PDE7B: variants seen among roughly 807,000 people sequenced by gnomAD.
The protein encoded by PDE7B is 3',5'-cyclic-AMP phosphodiesterase 7B.
Under a neutral mutation model 56.2 loss-of-function variants are expected in PDE7B, and 29 were observed. The ratio of observed to expected loss-of-function variants is 0.52; its 90% confidence interval spans 0.38 to 0.70. The LOEUF (loss-of-function observed/expected upper bound fraction) is 0.70. PDE7B is among the 30% of genes least tolerant of loss of function. The pLI is 0.00. For missense variants in PDE7B, 490 were observed against 565.0 expected (o/e 0.87, Z 1.35); for synonymous variants, 197 against 196.9 (o/e 1.00, Z 0.00).
At chr6:136,110,140 A>G (rs1777717781) in intron 3 of PDE7B, among the ~76,000 whole-genome samples, 1 of 152,120 alleles carries the variant, frequency 6.6e-6, no homozygotes, top group African/African-American at 2.4e-5. Context: ...TCAGGGACAC[A>G]GAGACTTGGA....
chr6:135,858,802 A>T (rs1170092082), intron 1 of PDE7B, among the ~76,000 whole-genome samples: 1 of 152,178 alleles, frequency 6.6e-6, no homozygotes, highest in Non-Finnish European at 1.5e-5. Context: ...GAACATCTTG[A>T]CTAAATTTTG....
chr6:136,083,259 T>A (rs1777234625), intron 2 of PDE7B, among the ~76,000 whole-genome samples: 1 of 152,192 alleles, frequency 6.6e-6, no homozygotes, highest in Non-Finnish European at 1.5e-5. Context: ...AATAAGTTCT[T>A]CTTGGATTTG....
At chr6:135,914,309 A>T (rs1776259275) in intron 1 of PDE7B, among the ~76,000 whole-genome samples, 4 of 151,950 alleles carry the variant, frequency 2.6e-5, no homozygotes, top group Non-Finnish European at 5.9e-5. Flanking sequence ...AGCAGAATCT[A>T]GAACATTTCT....
At chr6:136,010,383 TC>T in intron 2 of PDE7B, among the ~76,000 whole-genome samples, 1 of 148,264 alleles carries the variant, frequency 6.7e-6, no homozygotes, top group African/African-American at 2.5e-5. Context: ...ATCCCATTAT[TC>T]CCTTCTTTTT....
intron 2 of PDE7B, among the ~76,000 whole-genome samples, chr6:136,016,753 G>C (rs990970868): frequency 3.3e-5 from 5 of 152,098 alleles, no homozygotes; most frequent in Admixed American, 2.0e-4. Flanking sequence ...AAGGCAGAAG[G>C]ACTTCTGGGA....
chr6:136,106,419 A>AAAC (rs1245712585), intron 2 of PDE7B, among the ~76,000 whole-genome samples: 10 of 152,324 alleles, frequency 6.6e-5, no homozygotes, highest in Admixed American at 6.5e-4. Context: ...TAAGGTTAGA[A>AAAC]AACAACGGTA....
intron 2 of PDE7B, among the ~76,000 whole-genome samples, chr6:136,004,434 G>A (rs1311329882): frequency 1.3e-5 from 2 of 152,124 alleles, no homozygotes; most frequent in Non-Finnish European, 2.9e-5. Flanking sequence ...CAGATGACAT[G>A]ATTGTATATC....
chr6:136,062,576 T>C (rs2128212797), intron 2 of PDE7B, among the ~76,000 whole-genome samples: 1 of 152,262 alleles, frequency 6.6e-6, no homozygotes, highest in East Asian at 1.9e-4. Flanking sequence ...ATCTTACTTG[T>C]GGATAGGGAA....
intron 11 of PDE7B, among the ~76,000 whole-genome samples, chr6:136,184,566 G>A (rs113127916): frequency 4.6e-5 from 7 of 152,168 alleles, no homozygotes; most frequent in Non-Finnish European, 8.8e-5. Flanking sequence ...ATTAGAGAGC[G>A]CTGGTCTAGA....
intron 3 of PDE7B, among the ~76,000 whole-genome samples, chr6:136,133,593 T>A (rs1460618459): frequency 6.6e-6 from 1 of 152,154 alleles, no homozygotes; most frequent in Non-Finnish European, 1.5e-5. Flanking sequence ...CAGCTTACAC[T>A]TCAATAAATA....
chr6:136,102,029 T>G, intron 2 of PDE7B, among the ~76,000 whole-genome samples: 1 of 152,114 alleles, frequency 6.6e-6, no homozygotes, highest in East Asian at 1.9e-4. Context: ...TTGTGGAGAA[T>G]GGAGATGCTG....
At chr6:136,188,204 A>G (rs190067167) in intron 12 of PDE7B, among the ~76,000 whole-genome samples, 2 of 152,320 alleles carry the variant, frequency 1.3e-5, no homozygotes, top group Admixed American at 1.3e-4. Flanking sequence ...AAATAAATCT[A>G]GCTATAAAGA....
chr6:136,050,314 G>T (rs752741109), intron 2 of PDE7B, among the ~76,000 whole-genome samples: 1 of 151,670 alleles, frequency 6.6e-6, no homozygotes, highest in African/African-American at 2.4e-5. Context: ...TCCAAACTTA[G>T]ATTAGAAATT....
At chr6:135,912,720 T>C (rs1394540001) in intron 1 of PDE7B, among the ~76,000 whole-genome samples, 1 of 152,140 alleles carries the variant, frequency 6.6e-6, no homozygotes, top group Non-Finnish European at 1.5e-5. Flanking sequence ...ATAGTGACAG[T>C]TGGGCTATTA....
At chr6:136,079,461 G>T (rs1355749625) in intron 2 of PDE7B, among the ~76,000 whole-genome samples, 1 of 152,074 alleles carries the variant, frequency 6.6e-6, no homozygotes, top group Admixed American at 6.6e-5. Context: ...ACATTTCAAT[G>T]GCTCCAGAGT....
chr6:136,037,745 C>T, intron 2 of PDE7B: 3 of 985,466 alleles, frequency 3.0e-6, no homozygotes, highest in Non-Finnish European at 3.6e-6. Context: ...AAGGGGAAGC[C>T]CCGCTTCTTT....
intron 2 of PDE7B, chr6:136,044,863 C>G (rs1490179916): frequency 1.3e-5 from 2 of 152,038 alleles, no homozygotes; most frequent in Admixed American, 1.3e-4. Context: ...GGGGCTGGCT[C>G]TCAATGGAGG....
chr6:135,885,775 C>T (rs1224021043), intron 1 of PDE7B, among the ~76,000 whole-genome samples: 1 of 152,124 alleles, frequency 6.6e-6, no homozygotes, highest in African/African-American at 2.4e-5. Flanking sequence ...GAAGAAAGAA[C>T]CTACATACCT....
At chr6:135,986,738 C>T (rs372373882) in intron 2 of PDE7B, among the ~76,000 whole-genome samples, 3 of 152,210 alleles carry the variant, frequency 2.0e-5, no homozygotes, top group South Asian at 2.1e-4. Flanking sequence ...CTTTCTTCAA[C>T]AAGTTTTCTT....
Sources: allele counts gnomAD v4.1 joint callset (sites outside exome capture counted in the v4.1 genomes callset), GRCh38; gene constraint gnomAD v4.1.1; transcripts MANE v1.5; gene names NCBI Gene and HGNC (gene_info 2026-07-23, HGNC 2026-07-21).